Variants in DLG2 observed in about 807,000 individuals in gnomAD.
DLG2 encodes the protein discs large MAGUK scaffold protein 2, also known as disks large homolog 2.
DLG2 carries 45 observed loss-of-function variants against 132.5 expected under a neutral mutation model. The ratio of observed to expected loss-of-function variants is 0.34; its 90% CI spans 0.27 to 0.44. The LOEUF (loss-of-function observed/expected upper bound fraction) is 0.44. Among genes scored for constraint, DLG2 ranks in the 20% least tolerant of loss-of-function variants. The pLI is 1.00. For synonymous variants in DLG2, 424 were observed against 419.6 expected (o/e 1.01, Z -0.13); for missense variants, 1,045 against 1,196.9 (o/e 0.87, Z 1.87).
chr11:84,923,443 G>C, intron 6 of DLG2: 3 of 925,380 alleles, frequency 3.2e-6, no homozygotes, highest in Non-Finnish European at 3.8e-6. Flanking sequence ...AGAAGAAGAA[G>C]AAGGAGGGGG....
intron 6 of DLG2, chr11:84,923,639 T>C (rs2092868059): frequency 6.3e-6 from 6 of 959,306 alleles, no homozygotes; most frequent in Non-Finnish European, 5.0e-6. Context: ...CTCTGCACTA[T>C]ATTCCAGGCT....
intron 21 of DLG2, among the ~76,000 whole-genome samples, chr11:83,485,694 T>A (rs1227396901): frequency 6.6e-6 from 1 of 152,190 alleles, no homozygotes; most frequent in Non-Finnish European, 1.5e-5. Context: ...GTCCCATTGC[T>A]GGGAATGAGT....
chr11:84,746,658 A>G (rs1308136988), intron 6 of DLG2, among the ~76,000 whole-genome samples: 4 of 152,204 alleles, frequency 2.6e-5, no homozygotes. Flanking sequence ...TTTATTACTT[A>G]TTTTCCAGCC....
chr11:84,290,058 C>T (rs1360587461), intron 7 of DLG2, among the ~76,000 whole-genome samples: 1 of 152,128 alleles, frequency 6.6e-6, no homozygotes, highest in Non-Finnish European at 1.5e-5. Flanking sequence ...TATTATAAAG[C>T]AGTCCTCGGT....
chr11:84,886,655 A>G (rs530418547), intron 6 of DLG2, among the ~76,000 whole-genome samples: 5 of 152,276 alleles, frequency 3.3e-5, no homozygotes, highest in African/African-American at 9.6e-5. Context: ...TTTGCCAAGT[A>G]CTTGTCATAA....
At chr11:83,658,567 G>A (rs541552128) in intron 18 of DLG2, among the ~76,000 whole-genome samples, 1 of 152,200 alleles carries the variant, frequency 6.6e-6, no homozygotes, top group Non-Finnish European at 1.5e-5. Flanking sequence ...GATTTGCAAT[G>A]AATTTTCATG....
chr11:84,436,900 T>A (rs946788195), intron 7 of DLG2, among the ~76,000 whole-genome samples: 3 of 152,000 alleles, frequency 2.0e-5, no homozygotes, highest in African/African-American at 7.2e-5. Context: ...CCCTGTAGAG[T>A]CTGGTCAACG....
chr11:84,314,101 T>C (rs2098330442), intron 7 of DLG2, among the ~76,000 whole-genome samples: 1 of 152,158 alleles, frequency 6.6e-6, no homozygotes, highest in Admixed American at 6.5e-5. Flanking sequence ...TGGCCCTCTG[T>C]TATAGCAGCT....
intron 11 of DLG2, among the ~76,000 whole-genome samples, chr11:83,988,391 C>T (rs1482928633): frequency 6.6e-6 from 1 of 151,998 alleles, no homozygotes. Flanking sequence ...TTTTGCTTAG[C>T]AGGCTCTTTT....
chr11:83,999,545 G>A (rs2154039518), intron 11 of DLG2, among the ~76,000 whole-genome samples: 1 of 152,188 alleles, frequency 6.6e-6, no homozygotes, highest in Non-Finnish European at 1.5e-5. Flanking sequence ...GTCAACTGGA[G>A]GCCCAAGAAT....
At chr11:84,684,735 A>G (rs2099736529) in intron 6 of DLG2, among the ~76,000 whole-genome samples, 1 of 152,262 alleles carries the variant, frequency 6.6e-6, no homozygotes, top group Non-Finnish European at 1.5e-5. Context: ...TTTCCATGAA[A>G]CCAAATAAAT....
chr11:85,496,587 T>A (rs1760070580), intron 3 of DLG2, among the ~76,000 whole-genome samples: 1 of 152,162 alleles, frequency 6.6e-6, no homozygotes, highest in South Asian at 2.1e-4. Context: ...GCATGGCATA[T>A]GAGCTCCAAT....
At chr11:83,640,578 A>G (rs2066210851) in intron 18 of DLG2, among the ~76,000 whole-genome samples, 1 of 152,214 alleles carries the variant, frequency 6.6e-6, no homozygotes. Flanking sequence ...GGTTTATTAC[A>G]TGCCTTGCAC....
intron 6 of DLG2, among the ~76,000 whole-genome samples, chr11:84,667,977 A>G (rs1209490888): frequency 6.6e-6 from 1 of 152,158 alleles, no homozygotes; most frequent in Non-Finnish European, 1.5e-5. Flanking sequence ...TAGATCTCAA[A>G]AGGCAGACTA....
chr11:85,052,225 T>C (rs2062972626), intron 6 of DLG2, among the ~76,000 whole-genome samples: 1 of 152,142 alleles, frequency 6.6e-6, no homozygotes, highest in African/African-American at 2.4e-5. Context: ...CAGACGAGCA[T>C]GGGAAAGTTT....
intron 7 of DLG2, among the ~76,000 whole-genome samples, chr11:84,290,012 T>G (rs2097966282): frequency 6.6e-6 from 1 of 152,162 alleles, no homozygotes; most frequent in African/African-American, 2.4e-5. Context: ...TAACTAAGTT[T>G]GCTCATTCTG....
At chr11:85,298,024 G>A (rs756260879) in intron 3 of DLG2, among the ~76,000 whole-genome samples, 1 of 152,118 alleles carries the variant, frequency 6.6e-6, no homozygotes, top group Non-Finnish European at 1.5e-5. Flanking sequence ...GTAGAGTGAC[G>A]AGGTCTCCCA....
intron 3 of DLG2, among the ~76,000 whole-genome samples, chr11:85,501,372 G>A (rs908914027): frequency 5.3e-5 from 8 of 152,190 alleles, no homozygotes; most frequent in African/African-American, 1.9e-4. Flanking sequence ...AAGGCTTCAT[G>A]TCTAAAACAC....
intron 17 of DLG2, among the ~76,000 whole-genome samples, chr11:83,816,837 T>G (rs2049086351): frequency 6.6e-6 from 1 of 152,208 alleles, no homozygotes; most frequent in African/African-American, 2.4e-5. Flanking sequence ...CATTTTGATT[T>G]TTGAGATGTC....
Sources: gnomAD v4.1 joint callset for allele counts (sites outside exome capture counted in the v4.1 genomes callset) on GRCh38, gnomAD v4.1.1 for gene constraint, MANE v1.5 for transcripts, NCBI Gene and HGNC (gene_info 2026-07-23, HGNC 2026-07-21) for gene names.